Variants in MTUS2 observed in about 807,000 individuals in gnomAD.
The protein encoded by MTUS2 is microtubule-associated tumor suppressor candidate 2.
In MTUS2, 40 loss-of-function variants were observed where a neutral mutation model predicts 114.1. The observed-to-expected ratio is 0.35, with a 90% confidence interval of 0.27 to 0.46. The LOEUF (loss-of-function observed/expected upper bound fraction) is 0.46, where lower values mean the gene tolerates loss of function less well. Ranked by LOEUF, MTUS2 falls within the 20% of genes least tolerant of loss-of-function variation. The pLI is 1.00. For missense variants in MTUS2, 1,679 were observed against 1,705.4 expected (o/e 0.98, Z 0.27); for synonymous variants, 688 against 672.0 (o/e 1.02, Z -0.37).
chr13:29,136,289 A>C (rs888014830), intron 5 of MTUS2, among the ~76,000 whole-genome samples: 10 of 152,186 alleles, frequency 6.6e-5, no homozygotes, highest in African/African-American at 2.4e-4. Context: ...TAGAATTGTG[A>C]TATTGTGAAA....
Position 29,501,118 on chromosome 13 carries a change from G to C in MTUS2, c.3820G>C (p.Glu1274Gln), listed in dbSNP as rs1486737189. The C allele has an allele frequency of 6.2e-7, 1 of 1,613,922 alleles. No homozygotes were observed. Among genetic ancestry groups the C allele is most frequent in the Non-Finnish European group, 8.5e-7 (1 of 1,179,968 alleles). Residue 1274 changes from glutamate (E) to glutamine (Q), a missense_variant, in exon 15 of 16, where the codon GAA (glutamate) becomes CAA (glutamine). By Grantham distance (29) the Glu-to-Gln change is conservative. Transcript: ENST00000612955. ...GTAGGCAGAAAAGAACATTATCCTA[G>C]AAGAAAAGATCCAGGTTCTCCAACA... is the stretch of plus-strand genomic sequence containing the variant. Reference protein sequence around the residue: ...EKLAEKNIILEEKIQVLQQQN... With the variant: ...EKLAEKNIILQEKIQVLQQQN...
intron 5 of MTUS2, among the ~76,000 whole-genome samples, chr13:29,129,187 G>A (rs1891647410): frequency 9.5e-6 from 1 of 105,080 alleles, no homozygotes; most frequent in Non-Finnish European, 1.9e-5. Flanking sequence ...TCCCCTGGCA[G>A]TCTTTTTTTT....
intron 2 of MTUS2, among the ~76,000 whole-genome samples, chr13:28,863,787 C>T (rs750335324): frequency 6.6e-6 from 1 of 152,086 alleles, no homozygotes; most frequent in African/African-American, 2.4e-5. Flanking sequence ...AGCTTCAAAC[C>T]CCTGAGCCCA....
chr13:28,884,722 G>A (rs1035510469), intron 2 of MTUS2, among the ~76,000 whole-genome samples: 1 of 152,192 alleles, frequency 6.6e-6, no homozygotes, highest in Admixed American at 6.5e-5. Context: ...TAGTTAAGCA[G>A]GGTGTTCTCA....
chr13:28,966,767 T>G (rs1036055700), intron 2 of MTUS2, among the ~76,000 whole-genome samples: 11 of 151,834 alleles, frequency 7.2e-5, no homozygotes, highest in Non-Finnish European at 1.2e-4. Context: ...TGATTATTAT[T>G]TTTTGAACAT....
chr13:28,951,627 C>A (rs1882812226), intron 2 of MTUS2, among the ~76,000 whole-genome samples: 1 of 152,042 alleles, frequency 6.6e-6, no homozygotes, highest in Non-Finnish European at 1.5e-5. Context: ...GGTAAAACCC[C>A]ATTTCTACTA....
intron 2 of MTUS2, among the ~76,000 whole-genome samples, chr13:29,002,825 T>C (rs536698805): frequency 6.6e-6 from 1 of 152,322 alleles, no homozygotes; most frequent in African/African-American, 2.4e-5. Context: ...AATTCAAACT[T>C]TAAAGTGCAT....
chr13:29,408,742 C>A (rs1404720664), intron 8 of MTUS2, among the ~76,000 whole-genome samples: 1 of 151,416 alleles, frequency 6.6e-6, no homozygotes, highest in East Asian at 1.9e-4. Context: ...CCATTCTTTT[C>A]TCATTTGTGT....
At chr13:29,294,424 T>C (rs1898850238) in intron 6 of MTUS2, among the ~76,000 whole-genome samples, 1 of 152,236 alleles carries the variant, frequency 6.6e-6, no homozygotes, top group Admixed American at 6.5e-5. Flanking sequence ...TTGCTTTCAG[T>C]ATTTCACTAT....
At chr13:29,307,110 C>A in intron 6 of MTUS2, 8 of 478,584 alleles carry the variant, frequency 1.7e-5, no homozygotes, top group South Asian at 1.4e-4. Context: ...CTGGGGCTCA[C>A]TTGCAGGGAG....
At chr13:29,394,119 G>T (rs1002822307) in intron 8 of MTUS2, among the ~76,000 whole-genome samples, 2 of 152,112 alleles carry the variant, frequency 1.3e-5, no homozygotes, top group African/African-American at 4.8e-5. Context: ...CAGTGTCAAA[G>T]AAAAAAGTCA....
intron 4 of MTUS2, among the ~76,000 whole-genome samples, chr13:29,098,868 A>G (rs932920704): frequency 9.9e-5 from 15 of 152,196 alleles, no homozygotes; most frequent in Non-Finnish European, 1.8e-4. Flanking sequence ...TATTTTGTTC[A>G]TATTCTCCTC....
intron 11 of MTUS2, among the ~76,000 whole-genome samples, chr13:29,491,889 A>G (rs574104434): frequency 3.8e-4 from 38 of 100,176 alleles, no homozygotes; most frequent in Admixed American, 1.3e-3. Flanking sequence ...GTGGGTGTGT[A>G]TGTGTGCGTG....
At chr13:29,444,575 T>C (rs145412032) in intron 9 of MTUS2, among the ~76,000 whole-genome samples, 1 of 152,194 alleles carries the variant, frequency 6.6e-6, no homozygotes, top group African/African-American at 2.4e-5. Flanking sequence ...CCTGGGCCAT[T>C]TTTTTTAAAG....
intron 2 of MTUS2, among the ~76,000 whole-genome samples, chr13:28,918,758 C>T (rs1210022603): frequency 6.6e-6 from 1 of 151,858 alleles, no homozygotes; most frequent in Non-Finnish European, 1.5e-5. Flanking sequence ...TCCTTCTTTC[C>T]TTCCTTCCTG....
At chr13:29,148,634 A>G (rs1224034762) in intron 5 of MTUS2, among the ~76,000 whole-genome samples, 1 of 112,598 alleles carries the variant, frequency 8.9e-6, no homozygotes, top group African/African-American at 2.7e-5. Context: ...GCCCGCCACC[A>G]CGCCCGGCTA....
intron 5 of MTUS2, among the ~76,000 whole-genome samples, chr13:29,124,301 T>C (rs1467042451): frequency 6.6e-6 from 1 of 152,236 alleles, no homozygotes; most frequent in African/African-American, 2.4e-5. Flanking sequence ...CAATATAGTG[T>C]AATTTAATTG....
At chr13:29,465,425 C>G (rs1879818291) in intron 9 of MTUS2, among the ~76,000 whole-genome samples, 1 of 152,216 alleles carries the variant, frequency 6.6e-6, no homozygotes, top group Admixed American at 6.5e-5. Context: ...CTCTTAGACA[C>G]TTGTGCTTTA....
At chr13:29,369,301 A>G (rs900280263) in intron 8 of MTUS2, among the ~76,000 whole-genome samples, 1 of 152,176 alleles carries the variant, frequency 6.6e-6, no homozygotes, top group Non-Finnish European at 1.5e-5. Context: ...AGGAGTGGCA[A>G]TGGCACCATC....
Sources: gnomAD v4.1 joint callset for allele counts (sites outside exome capture counted in the v4.1 genomes callset) on GRCh38, gnomAD v4.1.1 for gene constraint, MANE v1.5 for transcripts, NCBI Gene and HGNC (gene_info 2026-07-23, HGNC 2026-07-21) for gene names.